HIVEP2: variants seen among roughly 807,000 people sequenced by gnomAD.
HIVEP2 encodes the protein HIVEP zinc finger 2.
In HIVEP2, 14 loss-of-function variants were observed where a neutral mutation model predicts 180.7. That is an observed-to-expected ratio of 0.08 (90% CI 0.05 to 0.12). The LOEUF (loss-of-function observed/expected upper bound fraction) is 0.12, where lower values mean the gene tolerates loss of function less well. HIVEP2 is among the 10% of genes least tolerant of loss of function. HIVEP2 has a pLI of 1.00. For synonymous variants in HIVEP2, 1,184 were observed against 1,136.4 expected (o/e 1.04, Z -0.84); for missense variants, 2,579 against 3,008.5 (o/e 0.86, Z 3.34).
At chr6:142,908,704 T>C (rs1562287894) in intron 1 of HIVEP2, among the ~76,000 whole-genome samples, 2 of 151,926 alleles carry the variant, frequency 1.3e-5, no homozygotes, top group Non-Finnish European at 1.5e-5. Flanking sequence ...TGCCTTCAGG[T>C]TGACTGGGTT....
At chr6:142,873,839 CAAT>C (rs571169923) in intron 1 of HIVEP2, among the ~76,000 whole-genome samples, 46 of 152,010 alleles carry the variant, frequency 3.0e-4, no homozygotes, top group Non-Finnish European at 5.0e-4. Context: ...TTAAGTTGAC[CAAT>C]AATTTTTCAA....
At chr6:142,924,815 A>G (rs926675808) in intron 1 of HIVEP2, among the ~76,000 whole-genome samples, 2 of 152,228 alleles carry the variant, frequency 1.3e-5, no homozygotes, top group African/African-American at 4.8e-5. Flanking sequence ...TTTTTCATAA[A>G]ATAGTATGTT....
chr6:142,884,790 A>G (rs546630866), intron 1 of HIVEP2, among the ~76,000 whole-genome samples: 1 of 152,318 alleles, frequency 6.6e-6, no homozygotes, highest in East Asian at 1.9e-4. Flanking sequence ...CATCCAGTTC[A>G]GGAACCTTAT....
intron 1 of HIVEP2, among the ~76,000 whole-genome samples, chr6:142,913,478 C>A (rs975217369): frequency 6.6e-6 from 1 of 152,222 alleles, no homozygotes; most frequent in Non-Finnish European, 1.5e-5. Flanking sequence ...CTGCTCACTG[C>A]TTTCTTTTGC....
At chr6:142,873,298 A>G (rs1278390847) in intron 1 of HIVEP2, among the ~76,000 whole-genome samples, 1 of 152,214 alleles carries the variant, frequency 6.6e-6, no homozygotes, top group African/African-American at 2.4e-5. Context: ...AAGACATTTA[A>G]AGAAGCAGAC....
At chr6:142,794,794 T>C (rs1225164640) in intron 2 of HIVEP2, among the ~76,000 whole-genome samples, 1 of 152,190 alleles carries the variant, frequency 6.6e-6, no homozygotes, top group Non-Finnish European at 1.5e-5. Flanking sequence ...CATGGGGTTA[T>C]AAATTCAGAT....
chr6:142,848,333 C>T (rs181563129), intron 1 of HIVEP2, among the ~76,000 whole-genome samples: 1 of 152,226 alleles, frequency 6.6e-6, no homozygotes, highest in Non-Finnish European at 1.5e-5. Flanking sequence ...TAAATGAAAA[C>T]ATTCATATCC....
intron 1 of HIVEP2, among the ~76,000 whole-genome samples, chr6:142,903,035 A>G (rs1777171282): frequency 6.6e-6 from 1 of 152,240 alleles, no homozygotes; most frequent in Admixed American, 6.5e-5. Context: ...AACTAGGAGC[A>G]GTAAACCGAT....
At chr6:142,755,616 C>CAG (rs147431699) in intron 9 of HIVEP2, among the ~76,000 whole-genome samples, 234 of 150,980 alleles carry the variant, frequency 1.5e-3, no homozygotes, top group Non-Finnish European at 2.6e-3. Flanking sequence ...GAACAGAAGT[C>CAG]AGAGAGAGAG....
intron 1 of HIVEP2, among the ~76,000 whole-genome samples, chr6:142,882,757 T>C (rs920097983): frequency 6.6e-6 from 1 of 152,160 alleles, no homozygotes; most frequent in Admixed American, 6.5e-5. Context: ...AGGGTTTCTC[T>C]TTATCGTTTA....
chr6:142,765,408 A>G (rs1775356707), intron 6 of HIVEP2, among the ~76,000 whole-genome samples: 1 of 152,254 alleles, frequency 6.6e-6, no homozygotes, highest in Non-Finnish European at 1.5e-5. Context: ...GTACAAACAT[A>G]CAACCCTCTA....
chr6:142,826,612 A>C (rs1475761953), intron 2 of HIVEP2, among the ~76,000 whole-genome samples: 1 of 152,220 alleles, frequency 6.6e-6, no homozygotes, highest in African/African-American at 2.4e-5. Context: ...GTAATAGGTA[A>C]AGCCTGATAA....
At chr6:142,769,026 AT>A (rs1046807095) in intron 5 of HIVEP2, among the ~76,000 whole-genome samples, 4 of 148,924 alleles carry the variant, frequency 2.7e-5, no homozygotes, top group Admixed American at 6.6e-5. Context: ...GAAGGCATTG[AT>A]GGTTCTTGTA....
intron 2 of HIVEP2, among the ~76,000 whole-genome samples, chr6:142,810,957 A>G (rs1776682556): frequency 6.6e-6 from 1 of 152,092 alleles, no homozygotes; most frequent in African/African-American, 2.4e-5. Context: ...GGTCAATAAG[A>G]GCACTACACA....
chr6:142,916,289 A>C (rs1176805811), intron 1 of HIVEP2, among the ~76,000 whole-genome samples: 1 of 152,226 alleles, frequency 6.6e-6, no homozygotes, highest in Non-Finnish European at 1.5e-5. Flanking sequence ...TCAAAATGCA[A>C]ATCTAATCCT....
intron 9 of HIVEP2, among the ~76,000 whole-genome samples, chr6:142,757,639 A>T (rs1263304190): frequency 6.6e-6 from 1 of 152,212 alleles, no homozygotes; most frequent in Non-Finnish European, 1.5e-5. Context: ...GCCTGGCGAC[A>T]GAGCGAGACT....
In HIVEP2 at chr6:142,774,971, G is replaced by A. The variant is rs1186721131; in HGVS notation, c.-233C>T. 1.0e-5 allele frequency: 13 copies of A among 1,288,028 alleles called. No homozygotes were observed. The highest frequency in any genetic ancestry group is 3.6e-5 in the Admixed American group (1 of 27,466). The allele number at this position is 1,288,028 out of a possible 1,614,324, so 79.8% of individuals were successfully genotyped here. On this transcript the variant is annotated 5_prime_UTR_variant, in exon 5 of 10. In the 5' UTR this introduces an upstream ATG that the reference lacks. Transcript: ENST00000367603. This position sits in a 1 kb window ranked among gnomAD's most constrained non-coding sequence, Gnocchi z 5.1. ...ACACAGTTCTCTCCATTGTAGAAAC[G>A]TCCATCCAAAAGCTAAGTGCAAATC...
chr6:142,833,635 TA>T (rs1775151234), intron 2 of HIVEP2, among the ~76,000 whole-genome samples: 1 of 152,174 alleles, frequency 6.6e-6, no homozygotes, highest in African/African-American at 2.4e-5. Context: ...AATGAAGGTA[TA>T]ACCAGGTAAA....
intron 4 of HIVEP2, 92 bp from the exon 5 acceptor site, chr6:142,775,217 G>C (rs1775667909): frequency 3.9e-6 from 1 of 255,558 alleles, no homozygotes; most frequent in Non-Finnish European, 6.0e-6. Context: ...CCAGAAATTA[G>C]ATAAATTTGA....
Sources: gnomAD v4.1 joint callset for allele counts (sites outside exome capture counted in the v4.1 genomes callset) on GRCh38, gnomAD v4.1.1 for gene constraint, Gnocchi (gnomAD v3.1) non-coding constraint, MANE v1.5 for transcripts, NCBI Gene and HGNC (gene_info 2026-07-23, HGNC 2026-07-21) for gene names.